CCDC69: variants seen among roughly 807,000 people sequenced by gnomAD.
CCDC69 encodes coiled-coil domain containing 69, also known as coiled-coil domain-containing protein 69.
CCDC69 carries 38 observed loss-of-function variants against 40.3 expected under a neutral mutation model. The ratio of observed to expected loss-of-function variants is 0.94; its 90% CI spans 0.73 to 1.24. The LOEUF is 1.24. CCDC69 is among the 50% of genes most tolerant of loss of function. The pLI is 0.00. For missense variants in CCDC69, 389 were observed against 357.9 expected, an observed-to-expected ratio of 1.09 and a Z score of -0.70; for synonymous variants, 141 against 138.9, an observed-to-expected ratio of 1.02 and a Z score of -0.11.
Position 151,186,003 on chromosome 5 carries a change from C to T in CCDC69, c.495+20G>A, listed in dbSNP as rs1433852301. ...CCTGGAGATTCAAGGAGGAAAAGCG[C>T]CCAGGGTGCTGCCACCTACCTGGAT... On this transcript the variant is annotated intron_variant, in intron 6 of 8. Transcript: ENST00000355417. 2 of 1,569,320 alleles carry T rather than the reference C, an allele frequency of 1.3e-6. No individual in the cohort carries two copies. Among genetic ancestry groups the T allele is most frequent in the Admixed American group, 3.3e-5 (2 of 59,930 alleles).
intron 4 of CCDC69, among the ~76,000 whole-genome samples, chr5:151,196,119 T>C (rs1029054636): frequency 1.3e-5 from 2 of 152,198 alleles, no homozygotes; most frequent in African/African-American, 4.8e-5. Context: ...ATATACACTT[T>C]TACGTACAAA....
chr5:151,190,083 T>C (rs385501), intron 4 of CCDC69, among the ~76,000 whole-genome samples: 98,508 of 152,004 alleles, frequency 0.65, 32,366 homozygotes, highest in Admixed American at 0.77. Context: ...TCTAAAAGAA[T>C]TGCTAAAGGA....
Position 151,195,691 on chromosome 5 carries a change from C to T in CCDC69, c.319+3306G>A, listed in dbSNP as rs149377571. Among the ~76,000 whole-genome samples the T allele has an allele frequency of 3.6e-3, 451 of 125,976 alleles. 3 individuals carry two copies. The Middle Eastern group carries it at 0.045, about 13-fold the overall frequency. The allele number at this position is 125,976 out of a possible 152,430, so 82.6% of individuals were successfully genotyped here. ...CCGAGATCATGCCACTGCACTCCAG[C>T]CTGGGGGACAGAGTGAGACTCCATC... On this transcript the variant is annotated intron_variant, in intron 4 of 8. Coordinates refer to ENST00000355417, the MANE Select transcript of CCDC69 (RefSeq NM_015621.3).
intron 4 of CCDC69, among the ~76,000 whole-genome samples, chr5:151,191,242 TAAAG>T (rs1259713236): frequency 6.6e-6 from 1 of 152,124 alleles, no homozygotes; most frequent in Non-Finnish European, 1.5e-5. Context: ...GATTTGCAGA[TAAAG>T]AACTGAAAGG....
rs1203009870 is a variant in CCDC69, at chr5:151,184,386, T to C, written c.671A>G (p.Glu224Gly). ...GTTGCGGCTTCGGACATGGAGGTCC[T>C]CATTTTCCTGTTGCAGGGTCGTAAT... ...EKITTLQQENEDLHVRSRNQV... is the reference protein window; with the variant it reads ...EKITTLQQENGDLHVRSRNQV... The change falls in exon 8 of 9, where the codon GAG (glutamate) becomes GGG (glycine). Residue 224 changes from glutamate (E) to glycine (G), a missense_variant. Physicochemically the swap from Glu to Gly is moderately conservative, Grantham distance 98 (BLOSUM62 -2). Coordinates refer to ENST00000355417, the MANE Select transcript of CCDC69 (RefSeq NM_015621.3). The C allele has an allele frequency of 6.2e-7, 1 of 1,614,182 alleles. No individual in the cohort carries two copies. Among genetic ancestry groups the C allele is most frequent in the East Asian group, 2.2e-5 (1 of 44,892 alleles).
At chr5:151,195,540 G>A (rs1752684223) in intron 4 of CCDC69, among the ~76,000 whole-genome samples, 2 of 151,942 alleles carry the variant, frequency 1.3e-5, no homozygotes, top group South Asian at 2.1e-4. Flanking sequence ...CCAACATGGT[G>A]AAACCCTGTC....
chr5:151,207,794 C>G (rs943463321), intron 1 of CCDC69, among the ~76,000 whole-genome samples: 4 of 151,604 alleles, frequency 2.6e-5, no homozygotes, highest in Non-Finnish European at 4.4e-5. Flanking sequence ...CGGTGGTCAC[C>G]AGACCAGGAT....
intron 1 of CCDC69, among the ~76,000 whole-genome samples, chr5:151,206,329 C>T (rs1477100107): frequency 6.6e-6 from 1 of 152,116 alleles, no homozygotes; most frequent in East Asian, 1.9e-4. Flanking sequence ...CGGAAGCTCT[C>T]CAAACCCAAT....
intron 4 of CCDC69, among the ~76,000 whole-genome samples, chr5:151,194,690 G>A (rs1363059741): frequency 1.3e-5 from 2 of 152,044 alleles, no homozygotes; most frequent in Non-Finnish European, 2.9e-5. Context: ...GTCAGGAGTT[G>A]AAGACCAGCC....
In CCDC69 at chr5:151,222,406, C is replaced by CTCT. The variant is rs1484996296; in HGVS notation, c.48+1514_48+1516dup. On this transcript the variant is annotated intron_variant, in intron 1 of 8. Coordinates refer to ENST00000355417, the MANE Select transcript of CCDC69 (RefSeq NM_015621.3). ...TCTTCCAGCTTGTGGAAGGGTCAGG[C>CTCT]TCTTCCCCGTTTCCTCCACCTCTAG... 2.0e-5 allele frequency among the ~76,000 whole-genome samples: 3 copies of CTCT among 152,242 alleles called. No individual in the cohort carries two copies. In the East Asian group the frequency reaches 5.8e-4, roughly 29 times the overall value.
chr5:151,208,860 A>T (rs1561603698), intron 1 of CCDC69, among the ~76,000 whole-genome samples: 1 of 152,122 alleles, frequency 6.6e-6, no homozygotes, highest in Non-Finnish European at 1.5e-5. Flanking sequence ...CTCCTCTGTG[A>T]GGTGGGGATG....
intron 4 of CCDC69, among the ~76,000 whole-genome samples, chr5:151,194,722 G>C (rs1209160491): frequency 6.6e-6 from 1 of 151,974 alleles, no homozygotes; most frequent in Non-Finnish European, 1.5e-5. Context: ...GTGAAACACT[G>C]TCTCTACTAA....
At chr5:151,199,488 C>A (rs192413042) in intron 3 of CCDC69, among the ~76,000 whole-genome samples, 1 of 152,106 alleles carries the variant, frequency 6.6e-6, no homozygotes, top group African/African-American at 2.4e-5. Context: ...TCAACCCAGG[C>A]AGCCCCTCAG....
chr5:151,181,970 CAGA>C lies in CCDC69; in HGVS notation c.*1464_*1466del, dbSNP rs1266782530. 2 of 152,208 alleles carry C rather than the reference CAGA, an allele frequency of 1.3e-5. No individual in the cohort carries two copies. Among genetic ancestry groups the C allele is most frequent in the African/African-American group, 2.4e-5 (1 of 41,416 alleles). The allele number at this position is 152,208 out of a possible 1,614,324, so 9.4% of individuals were successfully genotyped here. ...ACCTCTGAACTTCTAAACCTAGAAA[CAGA>C]AGGAGACTGTACACAGGGGAATACA... On this transcript the variant is annotated 3_prime_UTR_variant, in exon 9 of 9. Transcript: ENST00000355417.
At chr5:151,215,026 G>A (rs1229865659) in intron 1 of CCDC69, among the ~76,000 whole-genome samples, 2 of 152,206 alleles carry the variant, frequency 1.3e-5, no homozygotes, top group African/African-American at 4.8e-5. Flanking sequence ...TTGCCTCAGA[G>A]GGCCTGGAGC....
chr5:151,207,554 G>C (rs997754566), intron 1 of CCDC69, among the ~76,000 whole-genome samples: 7 of 152,130 alleles, frequency 4.6e-5, no homozygotes, highest in Non-Finnish European at 1.0e-4. Flanking sequence ...GCCTCCCAAA[G>C]TGCTGGGATT....
chr5:151,215,547 A>T, intron 1 of CCDC69: 1 of 316,626 alleles, frequency 3.2e-6, no homozygotes, highest in South Asian at 2.1e-5. Flanking sequence ...AGCTCTGGTC[A>T]TGGAGGGGGC....
chr5:151,199,831 A>G (rs1752752614), intron 3 of CCDC69, among the ~76,000 whole-genome samples: 1 of 152,196 alleles, frequency 6.6e-6, no homozygotes, highest in South Asian at 2.1e-4. Context: ...CTACCAAAAC[A>G]AACTAAAGAC....
intron 4 of CCDC69, among the ~76,000 whole-genome samples, chr5:151,196,327 AT>A (rs1255399305): frequency 6.6e-6 from 1 of 151,890 alleles, no homozygotes; most frequent in Non-Finnish European, 1.5e-5. Flanking sequence ...CACCAGACTA[AT>A]TTTATTTTTT....
Sources: gnomAD v4.1 joint callset for allele counts (sites outside exome capture counted in the v4.1 genomes callset) on GRCh38, gnomAD v4.1.1 for gene constraint, MANE v1.5 for transcripts, NCBI Gene and HGNC (gene_info 2026-07-23, HGNC 2026-07-21) for gene names.